Variants in CFAP58 observed in about 807,000 individuals in gnomAD.
CFAP58 encodes cilia and flagella associated protein 58.
CFAP58 carries 88 observed loss-of-function variants against 119.5 expected under a neutral mutation model. The ratio of observed to expected loss-of-function variants is 0.74; its 90% confidence interval spans 0.62 to 0.88. The LOEUF is 0.88. Among genes scored for constraint, CFAP58 ranks in the 40% least tolerant of loss-of-function variants. The probability of loss-of-function intolerance (pLI) is 0.00; values close to 1 mark genes in which losing one functional copy is unlikely to be tolerated. For missense variants in CFAP58, 990 were observed against 1,021.2 expected (o/e 0.97, Z 0.42); for synonymous variants, 365 against 366.3 (o/e 1.00, Z 0.04).
chr10:104,431,544 G>A (rs1041688031), intron 15 of CFAP58, among the ~76,000 whole-genome samples: 64 of 152,100 alleles, frequency 4.2e-4, no homozygotes, highest in African/African-American at 1.4e-3. Flanking sequence ...CAGAAAAGTC[G>A]AGTATAATAG....
intron 7 of CFAP58, among the ~76,000 whole-genome samples, chr10:104,373,639 A>T (rs2014852571): frequency 6.6e-6 from 1 of 152,268 alleles, no homozygotes; most frequent in Admixed American, 6.5e-5. Context: ...TGGGTGACAG[A>T]GCAAGTCTCT....
chr10:104,386,145 A>G (rs2011918154), intron 9 of CFAP58, among the ~76,000 whole-genome samples: 1 of 148,756 alleles, frequency 6.7e-6, no homozygotes, highest in African/African-American at 2.5e-5. Context: ...TGGGAGGCCA[A>G]GGTGGGTGGA....
At chr10:104,359,763 T>G (rs1478381278) in intron 2 of CFAP58, among the ~76,000 whole-genome samples, 1 of 152,194 alleles carries the variant, frequency 6.6e-6, no homozygotes, top group African/African-American at 2.4e-5. Flanking sequence ...GCCACTGCAC[T>G]CCAGCCTTGG....
At chr10:104,392,630 G>A (rs552241069) in intron 10 of CFAP58, among the ~76,000 whole-genome samples, 5 of 146,204 alleles carry the variant, frequency 3.4e-5, no homozygotes, top group Non-Finnish European at 7.5e-5. Context: ...TACTATTCTC[G>A]TCTTTCTACT....
intron 15 of CFAP58, among the ~76,000 whole-genome samples, chr10:104,432,582 A>G (rs1197387973): frequency 6.6e-6 from 1 of 151,598 alleles, no homozygotes; most frequent in African/African-American, 2.4e-5. Flanking sequence ...GGCCCACTAC[A>G]TTCTCCGCCT....
rs185000542 is a variant in CFAP58 at position 104,380,183 on chromosome 10, A to G, written c.1328A>G (p.Asp443Gly). 38 of 1,614,082 alleles carry G rather than the reference A, an allele frequency of 2.4e-5. No individual in the cohort carries two copies. Among genetic ancestry groups the G allele is most frequent in the Middle Eastern group, 3.3e-4 (2 of 6,048 alleles). Residue 443 changes from aspartate to glycine, a missense_variant, in exon 9 of 18, where the codon GAC (aspartate) becomes GGC (glycine). Coordinates refer to ENST00000369704, the MANE Select transcript of CFAP58 (RefSeq NM_001008723.2). ...ATCTTTCATCTGGAAAAGGAGCGTG[A>G]CCGGTACATCAACCAAGCCAGTGAC... ...KIIFHLEKER[D>G]RYINQASDLT...
intron 3 of CFAP58, 111 bp downstream of exon 3, chr10:104,362,282 C>A (rs751083043): frequency 8.9e-6 from 8 of 902,686 alleles, no homozygotes; most frequent in Admixed American, 3.2e-5. Context: ...TGATACAAGA[C>A]TCTTCTTTAT....
intron 17 of CFAP58, among the ~76,000 whole-genome samples, 196 bp downstream of exon 17, chr10:104,450,400 G>C (rs2133101652): frequency 6.6e-6 from 1 of 152,168 alleles, no homozygotes; most frequent in South Asian, 2.1e-4. Context: ...CCCCTCCTTG[G>C]GATTCTAACA....
chr10:104,403,740 T>C lies in CFAP58; in HGVS notation c.2051T>C (p.Phe684Ser), dbSNP rs770244239. ...ANVEELRQEF[F>S]HMQRELLKER... ...TTTGTCTTATTCAGACAGGAGTTTT[T>C]TCACATGCAAAGAGAATTGTTGAAG... The change falls in exon 14 of 18, where the codon TTT becomes TCT. Residue 684 changes from phenylalanine (F) to serine (S), a missense_variant. Phe to Ser is a radical substitution (Grantham distance 155). Transcript: ENST00000369704. The C allele has an allele frequency of 6.2e-7, 1 of 1,609,624 alleles. No homozygotes were observed. The highest frequency in any genetic ancestry group is 2.2e-5 in the East Asian group (1 of 44,820).
intron 9 of CFAP58, among the ~76,000 whole-genome samples, chr10:104,384,190 T>C (rs2011877514): frequency 6.6e-6 from 1 of 152,210 alleles, no homozygotes; most frequent in African/African-American, 2.4e-5. Context: ...GCAAAATTAT[T>C]TGTAGAGTTT....
At chr10:104,433,431 G>C (rs2012882124) in intron 15 of CFAP58, among the ~76,000 whole-genome samples, 1 of 152,222 alleles carries the variant, frequency 6.6e-6, no homozygotes, top group South Asian at 2.1e-4. Flanking sequence ...GATCGTCAGG[G>C]TCTTGAAGGA....
At chr10:104,357,965 G>GTACACATATA (rs1163759516) in intron 1 of CFAP58, among the ~76,000 whole-genome samples, 3 of 91,340 alleles carry the variant, frequency 3.3e-5, no homozygotes, top group South Asian at 5.6e-4. Context: ...ACACATATAT[G>GTACACATATA]TACACATATG....
At position 104,357,802 on chromosome 10, in the gene CFAP58, C is replaced by CATATAT. The variant is rs1564875293; in HGVS notation, c.10-538_10-537insTATATA. 5.4e-4 allele frequency among the ~76,000 whole-genome samples: 74 copies of CATATAT among 136,050 alleles called. 2 individuals carry two copies. The highest frequency in any genetic ancestry group is 2.3e-3 in the African/African-American group (70 of 30,082). The allele number at this position is 136,050 out of a possible 152,430, so 89.3% of individuals were successfully genotyped here. On this transcript the variant is annotated intron_variant, in intron 1 of 17. Coordinates refer to ENST00000369704, the MANE Select transcript of CFAP58 (RefSeq NM_001008723.2). ...ATGTGTGTTTATATACATATATATA[C>CATATAT]ACACATATATATGTACATATATACA...
intron 4 of CFAP58, among the ~76,000 whole-genome samples, chr10:104,365,316 G>A (rs1009225448): frequency 7.2e-5 from 11 of 152,126 alleles, no homozygotes; most frequent in Non-Finnish European, 1.6e-4. Context: ...TACACAATGT[G>A]CAGTCTCCAA....
intron 7 of CFAP58, among the ~76,000 whole-genome samples, chr10:104,374,629 A>G (rs1228308720): frequency 1.3e-5 from 2 of 152,050 alleles, no homozygotes; most frequent in Non-Finnish European, 2.9e-5. Context: ...AAATACTGAC[A>G]TATTGGTTTT....
intron 9 of CFAP58, among the ~76,000 whole-genome samples, chr10:104,388,484 G>A (rs191595854): frequency 6.6e-6 from 1 of 152,168 alleles, no homozygotes; most frequent in African/African-American, 2.4e-5. Flanking sequence ...CAAGATAGAG[G>A]GTAAAATAAC....
rs576644829 is a variant in CFAP58, at chr10:104,370,167, C to G, written c.931-728C>G. Among the ~76,000 whole-genome samples, 49 of 152,302 alleles carry G rather than the reference C, an allele frequency of 3.2e-4. 1 individual carries two copies. Among genetic ancestry groups the G allele is most frequent in the South Asian group, 1.9e-3 (9 of 4,822 alleles). ...ATGTTAATAACCATCTGAGAGAGAT[C>G]ACTTCACAAGTTCATGAAAATTGCT... On this transcript the variant is annotated intron_variant, in intron 6 of 17. Transcript: ENST00000369704.
At chr10:104,388,895 C>A (rs140390044) in intron 9 of CFAP58, among the ~76,000 whole-genome samples, 3 of 152,226 alleles carry the variant, frequency 2.0e-5, no homozygotes, top group African/African-American at 7.2e-5. Flanking sequence ...TTCTGGACTC[C>A]CCTGAAGCCT....
At chr10:104,396,750 G>A (rs2012169823) in intron 11 of CFAP58, among the ~76,000 whole-genome samples, 1 of 152,192 alleles carries the variant, frequency 6.6e-6, no homozygotes, top group Admixed American at 6.5e-5. Flanking sequence ...CACTTGGATA[G>A]GTGCAGAAAC....
Sources: allele counts gnomAD v4.1 joint callset (sites outside exome capture counted in the v4.1 genomes callset), GRCh38; gene constraint gnomAD v4.1.1; transcripts MANE v1.5; gene names NCBI Gene and HGNC (gene_info 2026-07-23, HGNC 2026-07-21).